Variants in ARMCX4 observed in about 807,000 individuals in gnomAD.
ARMCX4 encodes the protein armadillo repeat containing X-linked 4.
A neutral mutation model predicts 34.7 loss-of-function variants in ARMCX4; 3 were observed. The ratio of observed to expected loss-of-function variants is 0.09; its 90% confidence interval spans 0.04 to 0.22. The LOEUF is 0.22. ARMCX4 is among the 10% of genes least tolerant of loss of function. ARMCX4 has a pLI of 1.00. For synonymous variants in ARMCX4, 513 were observed against 632.8 expected, an observed-to-expected ratio of 0.81 and a Z score of 2.84; for missense variants, 1,448 against 1,720.8, an observed-to-expected ratio of 0.84 and a Z score of 2.81.
At chrX:101,502,461 A>G (rs1556013905) in intron 7 of ARMCX4, among the ~76,000 whole-genome samples, 2 of 111,960 alleles carry the variant, frequency 1.8e-5, no homozygotes, top group African/African-American at 6.5e-5. Flanking sequence ...GCTGGTCTCA[A>G]ACTCCTGGGC....
At position 101,495,235 on chromosome X, in the gene ARMCX4, A is replaced by G. The variant is rs1556011543; in HGVS notation, c.6646A>G (p.Lys2216Glu). ...ATCACTGATTAACATTTTTAGCAAG[A>G]AAGAGACAAAGGAGAATATTCTTAA... is the stretch of plus-strand genomic sequence containing the variant. Reference protein sequence around the residue: ...PTSLINIFSKKETKENILNAL... With the variant: ...PTSLINIFSKEETKENILNAL... The change falls in exon 6 of 6, where the codon AAA becomes GAA. Residue 2216 changes from lysine (K) to glutamate (E), a missense_variant. Coordinates refer to ENST00000423738, the MANE Select transcript of ARMCX4 (RefSeq NM_001256155.3). 5.2e-6 allele frequency: 6 copies of G among 1,148,084 alleles called. No individual in the cohort carries two copies. Among genetic ancestry groups the G allele is most frequent in the Non-Finnish European group, 6.9e-6 (6 of 866,073 alleles). 94.6% of individuals were successfully genotyped at this position (1,148,084 alleles called of 1,213,427 possible). A position where few individuals can be genotyped will look rare whatever the true frequency, so the allele number is the denominator to read the frequency against.
intron 11 of ARMCX4, among the ~76,000 whole-genome samples, chrX:101,512,696 T>C (rs1486715547): frequency 9.2e-6 from 1 of 108,827 alleles, no homozygotes; most frequent in Non-Finnish European, 1.9e-5. Flanking sequence ...GCATATGTTG[T>C]ATTCTGTATT....
intron 11 of ARMCX4, among the ~76,000 whole-genome samples, chrX:101,514,853 T>C (rs1556017226): frequency 8.9e-6 from 1 of 111,882 alleles, no homozygotes; most frequent in African/African-American, 3.3e-5. Flanking sequence ...GGGCTGTCTT[T>C]ACTGGCAAAG....
Position 101,492,669 on chromosome X carries a change from C to A in ARMCX4, c.4080C>A (p.Ala1360=), listed in dbSNP as rs782153329. 5.1e-5 allele frequency: 57 copies of A among 1,128,209 alleles called. No homozygotes were observed. In the East Asian group the frequency reaches 1.7e-3, roughly 33 times the overall value. 93.0% of individuals were successfully genotyped at this position (1,128,209 alleles called of 1,213,427 possible). Residue 1360 remains alanine (A), a synonymous_variant, in exon 6 of 6, where the codon GCC becomes GCA. Transcript: ENST00000423738. ...CTTGGGCTGACACTGCAGACCAAGC[C>A]AGTGGAGGGTCTAGGCTGGGCCACG... is the stretch of plus-strand genomic sequence containing the variant. ...GRSWADTADQ[A]SGGSRLGHVD...
chrX:101,442,161 T>C (rs1197607630), intron 2 of ARMCX4, among the ~76,000 whole-genome samples: 1 of 112,696 alleles, frequency 8.9e-6, no homozygotes, highest in Non-Finnish European at 1.9e-5. Context: ...CAAATGTGTT[T>C]ACAAATAAAG....
intron 3 of ARMCX4, chrX:101,445,947 A>G (rs998286397): frequency 2.7e-5 from 3 of 111,636 alleles, no homozygotes; most frequent in Non-Finnish European, 5.6e-5. Context: ...TTTATTTCCA[A>G]TTGACAGTTG....
chrX:101,529,160 A>T (rs782614141), intron 11 of ARMCX4, among the ~76,000 whole-genome samples: 1 of 111,380 alleles, frequency 9.0e-6, no homozygotes, highest in Admixed American at 9.6e-5. Context: ...AACAGAACAG[A>T]GCCCTCAGAG....
intron 1 of ARMCX4, among the ~76,000 whole-genome samples, chrX:101,485,747 A>G (rs1305613188): frequency 3.6e-5 from 4 of 112,252 alleles, no homozygotes; most frequent in Non-Finnish European, 7.5e-5. Context: ...AGAGGGAAAT[A>G]CAGAGATTGA....
rs1556008983 is a variant in ARMCX4 at position 101,491,219 on chromosome X, A to T, written c.2630A>T (p.Gln877Leu). The T allele has an allele frequency of 1.7e-6, 2 of 1,156,400 alleles. No individual in the cohort carries two copies. Among genetic ancestry groups the T allele is most frequent in the East Asian group, 6.5e-5 (2 of 30,760 alleles). ...CAGCCTCAGGTTTTGGCCAGCTCCC[A>T]GCGTGAGACCTTGCCTGGTGCCAGG... ...STQPQVLASS[Q>L]RETLPGARNK... The change falls in exon 6 of 6, where the codon CAG becomes CTG. Residue 877 changes from glutamine (Q) to leucine (L), a missense_variant. Physicochemically the swap from Gln to Leu is moderately radical, Grantham distance 113. Around this residue, in one of 2 missense-constraint regions of ARMCX4, gnomAD observed 1,343 missense variants for 1,540.7 expected, o/e 0.87. Transcript: ENST00000423738.
intron 4 of ARMCX4, among the ~76,000 whole-genome samples, chrX:101,458,024 G>A (rs959564319): frequency 2.7e-5 from 3 of 111,230 alleles, no homozygotes; most frequent in Non-Finnish European, 5.7e-5. Context: ...TTACAGGCAT[G>A]AGCCACTGTG....
Position 101,491,274 on chromosome X carries a change from G to A in ARMCX4, c.2685G>A (p.Val895=), listed in dbSNP as rs907103480. 1.4e-5 allele frequency: 16 copies of A among 1,152,817 alleles called. No homozygotes were observed. The highest frequency in any genetic ancestry group is 1.6e-5 in the Non-Finnish European group (14 of 871,998). ...RNKVKGNSNV[V]SKAGAREDTM... ...AGGTCAAGGGCAATTCCAATGTTGT[G>A]TCTAAGGCAGGGGCCAGAGAAGATA... Residue 895 remains valine (V), a synonymous_variant, in exon 6 of 6, where the codon GTG becomes GTA. Coordinates refer to ENST00000423738, the MANE Select transcript of ARMCX4 (RefSeq NM_001256155.3).
intron 5 of ARMCX4, 120 bp from the exon 6 acceptor site, chrX:101,488,324 A>C: frequency 1.5e-6 from 1 of 653,030 alleles, no homozygotes; most frequent in South Asian, 3.1e-5. Flanking sequence ...GAGGCTGCTA[A>C]TCATCCTCTC....
chrX:101,466,647 C>T (rs996879750), intron 4 of ARMCX4, among the ~76,000 whole-genome samples: 2 of 112,162 alleles, frequency 1.8e-5, no homozygotes, highest in Non-Finnish European at 3.8e-5. Context: ...ATTTATATGA[C>T]ATTCCGAGAA....
At chrX:101,434,817 G>A (rs1278655680) in intron 2 of ARMCX4, among the ~76,000 whole-genome samples, 2 of 94,728 alleles carry the variant, frequency 2.1e-5, no homozygotes, top group Non-Finnish European at 4.1e-5. Context: ...GCCCTGGTGT[G>A]TGATGTTCCC....
intron 2 of ARMCX4, among the ~76,000 whole-genome samples, chrX:101,430,571 T>C (rs1346178844): frequency 8.9e-6 from 1 of 112,648 alleles, no homozygotes; most frequent in African/African-American, 3.2e-5. Flanking sequence ...ACAAATAGTC[T>C]AGCCTTTCTC....
intron 11 of ARMCX4, among the ~76,000 whole-genome samples, chrX:101,526,303 A>G (rs1273105828): frequency 8.9e-6 from 1 of 112,021 alleles, no homozygotes; most frequent in Non-Finnish European, 1.9e-5. Context: ...TGTCACCACC[A>G]GGCCTGCCTT....
intron 2 of ARMCX4, among the ~76,000 whole-genome samples, chrX:101,423,061 C>G (rs948465086): frequency 2.7e-5 from 3 of 109,105 alleles, no homozygotes; most frequent in Non-Finnish European, 3.8e-5. Flanking sequence ...AGGCGCCCAC[C>G]ACCATGCCCA....
intron 11 of ARMCX4, among the ~76,000 whole-genome samples, chrX:101,513,433 A>C (rs1440816108): frequency 8.9e-6 from 1 of 111,837 alleles, no homozygotes; most frequent in Non-Finnish European, 1.9e-5. Flanking sequence ...TTTTCCCCAG[A>C]AGAGGACGCA....
At chrX:101,431,214 C>G (rs1180710102) in intron 2 of ARMCX4, among the ~76,000 whole-genome samples, 1 of 111,890 alleles carries the variant, frequency 8.9e-6, no homozygotes, top group African/African-American at 3.2e-5. Context: ...TTGGGAAGGT[C>G]ATACTTCAAA....
Sources: gnomAD v4.1 joint callset for allele counts (sites outside exome capture counted in the v4.1 genomes callset) on GRCh38, gnomAD v4.1.1 for gene constraint, gnomAD v4.1.1 regional missense constraint, MANE v1.5 for transcripts, NCBI Gene and HGNC (gene_info 2026-07-23, HGNC 2026-07-21) for gene names.